The following SNX29 variants were observed in gnomAD, a reference collection of about 807,000 sequenced individuals.
SNX29 encodes the protein sorting nexin-29.
A neutral mutation model predicts 102.1 loss-of-function variants in SNX29; 78 were observed. The observed-to-expected ratio is 0.76, with a 90% CI of 0.64 to 0.92. SNX29 has a LOEUF of 0.92. Ranked by LOEUF, SNX29 falls within the 40% of genes least tolerant of loss-of-function variation. The pLI is 0.00. For synonymous variants in SNX29, 580 were observed against 414.5 expected, an observed-to-expected ratio of 1.40 and a Z score of -4.85; for missense variants, 1,280 against 1,061.7, an observed-to-expected ratio of 1.21 and a Z score of -2.86.
chr16:12,138,420 C>G (rs559844130), intron 13 of SNX29, among the ~76,000 whole-genome samples: 2 of 152,062 alleles, frequency 1.3e-5, no homozygotes, highest in Admixed American at 1.3e-4. Context: ...GTTGTCTAGG[C>G]TGGTCTCGAA....
intron 14 of SNX29, among the ~76,000 whole-genome samples, chr16:12,222,534 A>G (rs2077504491): frequency 6.6e-6 from 1 of 152,110 alleles, no homozygotes; most frequent in South Asian, 2.1e-4. Flanking sequence ...GGGGCTGGCT[A>G]CTTCATATCT....
Position 12,569,516 on chromosome 16 carries a change from A to G in SNX29, c.*887A>G, listed in dbSNP as rs536734709. 1.7e-5 allele frequency: 4 copies of G among 231,640 alleles called. No individual in the cohort carries two copies. The highest frequency in any genetic ancestry group is 2.6e-5 in the Non-Finnish European group (3 of 117,120). The allele number at this position is 231,640 out of a possible 1,614,324, so 14.3% of individuals were successfully genotyped here. On this transcript the variant is annotated 3_prime_UTR_variant, in exon 21 of 21. Transcript: ENST00000566228. ...TTCCAGGGTTTTCAAACCAGGCTCCATGACTATGAAGTTGGACCCAGTGTG... is the reference window on the plus strand; with the variant it reads ...TTCCAGGGTTTTCAAACCAGGCTCCGTGACTATGAAGTTGGACCCAGTGTG...
chr16:12,490,622 C>T (rs2088498668), intron 19 of SNX29, among the ~76,000 whole-genome samples: 1 of 152,134 alleles, frequency 6.6e-6, no homozygotes, highest in African/African-American at 2.4e-5. Flanking sequence ...GTGCATACTG[C>T]CACACAGTGT....
intron 20 of SNX29, among the ~76,000 whole-genome samples, chr16:12,533,251 C>G (rs1048974881): frequency 6.6e-6 from 1 of 152,346 alleles, no homozygotes; most frequent in African/African-American, 2.4e-5. Flanking sequence ...AGCTGATTCT[C>G]CTGTGGAGTG....
intron 13 of SNX29, among the ~76,000 whole-genome samples, chr16:12,197,852 C>T (rs1452099797): frequency 6.6e-6 from 1 of 151,164 alleles, no homozygotes; most frequent in Admixed American, 6.6e-5. Context: ...TGAGTTTGAT[C>T]CTTTTTTTTT....
intron 16 of SNX29, chr16:12,367,515 A>G (rs1274771741): frequency 6.6e-6 from 1 of 152,240 alleles, no homozygotes; most frequent in East Asian, 1.9e-4. Context: ...GGGATGAGAT[A>G]GATGGAAAAA....
intron 16 of SNX29, among the ~76,000 whole-genome samples, chr16:12,388,059 T>C (rs1350600993): frequency 6.6e-6 from 1 of 152,248 alleles, no homozygotes; most frequent in African/African-American, 2.4e-5. Flanking sequence ...GTCATACACA[T>C]GCTCGGATTG....
At chr16:12,196,075 A>G (rs1303230148) in intron 13 of SNX29, among the ~76,000 whole-genome samples, 1 of 149,282 alleles carries the variant, frequency 6.7e-6, no homozygotes, top group Non-Finnish European at 1.5e-5. Context: ...TCCCCGGCTC[A>G]AACGATCCTC....
chr16:12,542,826 GGT>G (rs1189855261), intron 20 of SNX29, among the ~76,000 whole-genome samples: 1 of 151,970 alleles, frequency 6.6e-6, no homozygotes, highest in African/African-American at 2.4e-5. Context: ...CATCCTGTAA[GGT>G]GTGTGGACCC....
rs2055308460 is a variant in SNX29 at position 11,976,779 on chromosome 16, C to T, written c.-28C>T. 7.4e-7 allele frequency: 1 copy of T among 1,343,762 alleles called. No homozygotes were observed. Among genetic ancestry groups the T allele is most frequent in the Non-Finnish European group, 9.6e-7 (1 of 1,045,630 alleles). 83.2% of individuals were successfully genotyped at this position (1,343,762 alleles called of 1,614,324 possible). On this transcript the variant is annotated 5_prime_UTR_variant, in exon 1 of 21. Coordinates refer to ENST00000566228, the MANE Select transcript of SNX29 (RefSeq NM_032167.5). ...AGAAGCGGCAGCGGCGGCGGCGCGG[C>T]GCAGGCACCGGCCCGGGGAGAGGCA...
chr16:12,206,548 C>T (rs867005716), intron 14 of SNX29, among the ~76,000 whole-genome samples: 7 of 152,066 alleles, frequency 4.6e-5, no homozygotes, highest in African/African-American at 7.2e-5. Flanking sequence ...AGTACACGGG[C>T]GCTCCCATCC....
At position 12,260,698 on chromosome 16, in the gene SNX29, G is replaced by A. The variant is rs188860406; in HGVS notation, c.1679-17235G>A. Reference sequence around the variant, plus strand: ...GCTATGAGCTTGGGTCTGTGCACGCGTCCCCGGCTGGAGTGAGTGAGTGTT... The same window carrying A: ...GCTATGAGCTTGGGTCTGTGCACGCATCCCCGGCTGGAGTGAGTGAGTGTT... On this transcript the variant is annotated intron_variant, in intron 14 of 20. Coordinates refer to ENST00000566228, the MANE Select transcript of SNX29 (RefSeq NM_032167.5). Among the ~76,000 whole-genome samples the A allele has an allele frequency of 9.4e-3, 1,421 of 151,566 alleles. 18 individuals carry two copies. Among genetic ancestry groups the A allele is most frequent in the African/African-American group, 0.033 (1,345 of 41,268 alleles).
chr16:12,108,037 C>A (rs2053338788), intron 11 of SNX29, among the ~76,000 whole-genome samples: 1 of 152,024 alleles, frequency 6.6e-6, no homozygotes, highest in South Asian at 2.1e-4. Context: ...GGGAAAGGTC[C>A]ATGTTGAACC....
intron 18 of SNX29, among the ~76,000 whole-genome samples, chr16:12,450,658 G>T (rs995462240): frequency 6.6e-6 from 1 of 152,214 alleles, no homozygotes; most frequent in African/African-American, 2.4e-5. Context: ...GGTGCAATAT[G>T]AACCAGGTGG....
intron 19 of SNX29, among the ~76,000 whole-genome samples, chr16:12,493,892 C>T (rs1418439135): frequency 6.6e-6 from 1 of 152,132 alleles, no homozygotes; most frequent in Non-Finnish European, 1.5e-5. Flanking sequence ...GCACCCAGCC[C>T]TCATTTTGTT....
At chr16:12,527,163 T>C (rs931336024) in intron 20 of SNX29, 1 of 521,310 alleles carries the variant, frequency 1.9e-6, no homozygotes, top group African/African-American at 1.9e-5. Context: ...TTCTTCCTTT[T>C]TGAGCAGGAT....
intron 14 of SNX29, among the ~76,000 whole-genome samples, chr16:12,237,334 C>G (rs1372585897): frequency 1.3e-5 from 2 of 152,232 alleles, no homozygotes; most frequent in Non-Finnish European, 2.9e-5. Context: ...GTGCCTCTGT[C>G]TGGGAGTGGG....
At chr16:12,266,013 G>A (rs1324287038) in intron 14 of SNX29, among the ~76,000 whole-genome samples, 1 of 152,178 alleles carries the variant, frequency 6.6e-6, no homozygotes, top group Non-Finnish European at 1.5e-5. Context: ...GGAAACTGAG[G>A]TTCAGAGAAA....
intron 20 of SNX29, among the ~76,000 whole-genome samples, chr16:12,537,025 G>A (rs2077107827): frequency 6.6e-6 from 1 of 152,150 alleles, no homozygotes; most frequent in African/African-American, 2.4e-5. Flanking sequence ...GGGGCCGGGG[G>A]AGCACACAGC....
Sources: gnomAD v4.1 joint callset for allele counts (sites outside exome capture counted in the v4.1 genomes callset) on GRCh38, gnomAD v4.1.1 for gene constraint, MANE v1.5 for transcripts, NCBI Gene and HGNC (gene_info 2026-07-23, HGNC 2026-07-21) for gene names.